The following ROBO2 variants were observed in gnomAD, a reference collection of about 807,000 sequenced individuals.
ROBO2 encodes the protein roundabout guidance receptor 2, also known as roundabout homolog 2.
Under a neutral mutation model 160.8 loss-of-function variants are expected in ROBO2, and 53 were observed. The observed-to-expected ratio is 0.33, with a 90% CI of 0.26 to 0.41. ROBO2 has a LOEUF of 0.41. Among genes scored for constraint, ROBO2 ranks in the 10% least tolerant of loss-of-function variants. ROBO2 has a pLI of 1.00. For missense variants in ROBO2, 1,577 were observed against 1,722.4 expected (o/e 0.92, Z 1.49); for synonymous variants, 664 against 611.7 (o/e 1.09, Z -1.26).
rs550843579 is a variant in ROBO2 at position 76,372,894 on chromosome 3, T to G, written c.109+435292T>G. 1.1e-4 allele frequency among the ~76,000 whole-genome samples: 16 copies of G among 152,040 alleles called. No homozygotes were observed. In the South Asian group the frequency reaches 3.1e-3, roughly 30 times the overall value. On this transcript the variant is annotated intron_variant, in intron 2 of 26. Coordinates refer to the ROBO2 transcript ENST00000487694. ...GCTCTTCCAGAACCAGATCAAACACTTGACCACAAATGGGGAATATGGAGA... is the reference window on the plus strand; with the variant it reads ...GCTCTTCCAGAACCAGATCAAACACGTGACCACAAATGGGGAATATGGAGA...
intron 19 of ROBO2, 138 bp from the exon 21 acceptor site, chr3:77,602,072 C>G: frequency 1.2e-6 from 1 of 842,014 alleles, no homozygotes; most frequent in Non-Finnish European, 2.0e-6. Flanking sequence ...TATCATCTAC[C>G]CTTCAGTGGC....
chr3:77,583,811 C>A (rs1350541207), intron 16 of ROBO2, among the ~76,000 whole-genome samples: 1 of 152,142 alleles, frequency 6.6e-6, no homozygotes, highest in Non-Finnish European at 1.5e-5. Flanking sequence ...TCCTAGCAGG[C>A]ACATACATTA....
chr3:77,047,501 A>G (rs934989110), intron 1 of ROBO2, among the ~76,000 whole-genome samples: 2 of 150,196 alleles, frequency 1.3e-5, no homozygotes, highest in Non-Finnish European at 3.0e-5. Context: ...CCTGGCCAAC[A>G]TGGTGAAACC....
intron 5 of ROBO2, among the ~76,000 whole-genome samples, chr3:77,517,838 G>A (rs1456504199): frequency 6.6e-6 from 1 of 151,188 alleles, no homozygotes; most frequent in Non-Finnish European, 1.5e-5. Flanking sequence ...CTACCTTCCA[G>A]TGAGTCACTT....
intron 2 of ROBO2, among the ~76,000 whole-genome samples, chr3:77,385,177 G>A (rs920793531): frequency 3.9e-5 from 6 of 151,970 alleles, no homozygotes; most frequent in Non-Finnish European, 8.8e-5. Flanking sequence ...TTACTGGTGC[G>A]CACAACCACA....
At chr3:77,061,806 C>T (rs1005577470) in intron 1 of ROBO2, among the ~76,000 whole-genome samples, 1 of 152,098 alleles carries the variant, frequency 6.6e-6, no homozygotes, top group Non-Finnish European at 1.5e-5. Flanking sequence ...AACCAATTAA[C>T]ATATAGGGAC....
intron 2 of ROBO2, among the ~76,000 whole-genome samples, chr3:77,229,944 G>T (rs1481708742): frequency 1.3e-5 from 2 of 152,118 alleles, no homozygotes; most frequent in Non-Finnish European, 2.9e-5. Flanking sequence ...AACCATCCTT[G>T]TCTTAGGCTT....
At chr3:76,584,119 C>G (rs928748721) in intron 2 of ROBO2, among the ~76,000 whole-genome samples, 1 of 152,096 alleles carries the variant, frequency 6.6e-6, no homozygotes, top group Non-Finnish European at 1.5e-5. Context: ...TCCTCTCGCT[C>G]TAATCTTTAC....
chr3:76,245,429 T>C (rs1200361819), intron 2 of ROBO2, among the ~76,000 whole-genome samples: 1 of 152,160 alleles, frequency 6.6e-6, no homozygotes. Context: ...TTAACATGAA[T>C]TGTTGACAAA....
chr3:76,762,550 A>G (rs2061367449), intron 2 of ROBO2, among the ~76,000 whole-genome samples: 1 of 151,312 alleles, frequency 6.6e-6, no homozygotes, highest in African/African-American at 2.4e-5. Context: ...GCAAACAACC[A>G]TCTTTTGGTC....
At chr3:76,140,607 A>T (rs955830193) in intron 2 of ROBO2, among the ~76,000 whole-genome samples, 24 of 151,870 alleles carry the variant, frequency 1.6e-4, no homozygotes, top group African/African-American at 5.8e-4. Context: ...AGTAGTAATT[A>T]CCTGTGCCTT....
chr3:77,296,221 T>G (rs7427240), intron 2 of ROBO2, among the ~76,000 whole-genome samples: 39,580 of 143,956 alleles, frequency 0.27, 4,234 homozygotes, highest in Middle Eastern at 0.39. Context: ...AACGGGAAGT[T>G]GAGGCTAGAA....
chr3:77,290,921 AG>A (rs2061139728), intron 2 of ROBO2, among the ~76,000 whole-genome samples: 1 of 84,060 alleles, frequency 1.2e-5, no homozygotes, highest in Non-Finnish European at 3.2e-5. Context: ...CCAGACATAA[AG>A]TAGAATTGAT....
intron 2 of ROBO2, among the ~76,000 whole-genome samples, chr3:77,146,826 G>A (rs1200865922): frequency 6.6e-6 from 1 of 152,012 alleles, no homozygotes; most frequent in Non-Finnish European, 1.5e-5. Context: ...AAATTAGCCG[G>A]GTGTGGTGGC....
chr3:76,908,938 A>T (rs562188011), intron 2 of ROBO2, among the ~76,000 whole-genome samples: 49 of 152,278 alleles, frequency 3.2e-4, no homozygotes, highest in African/African-American at 1.2e-3. Context: ...TTCTTAAAAC[A>T]ATTTCTAGTT....
At chr3:76,474,910 C>A (rs2078851376) in intron 2 of ROBO2, among the ~76,000 whole-genome samples, 1 of 152,042 alleles carries the variant, frequency 6.6e-6, no homozygotes, top group African/African-American at 2.4e-5. Context: ...AATCCACAGG[C>A]TATGGGCATG....
chr3:76,783,572 G>A (rs1160386490), intron 2 of ROBO2, among the ~76,000 whole-genome samples: 1 of 148,884 alleles, frequency 6.7e-6, no homozygotes, highest in Non-Finnish European at 1.5e-5. Flanking sequence ...TGCTCTGTAA[G>A]ATTTCTGTTG....
intron 2 of ROBO2, among the ~76,000 whole-genome samples, chr3:76,816,473 A>G (rs551119371): frequency 2.0e-5 from 3 of 152,210 alleles, no homozygotes; most frequent in East Asian, 3.9e-4. Context: ...AGCAGTGGCC[A>G]TAATTGCTTT....
chr3:77,440,707 T>A (rs569870699), intron 2 of ROBO2, among the ~76,000 whole-genome samples: 47 of 152,322 alleles, frequency 3.1e-4, no homozygotes, highest in African/African-American at 1.1e-3. Context: ...AAAGCTCAAT[T>A]TTATTCCTCT....
Sources: allele counts gnomAD v4.1 joint callset (sites outside exome capture counted in the v4.1 genomes callset), GRCh38; gene constraint gnomAD v4.1.1; transcripts MANE v1.5; gene names NCBI Gene and HGNC (gene_info 2026-07-23, HGNC 2026-07-21).